Variants in PPIP5K2 observed in about 807,000 individuals in gnomAD.
The protein encoded by PPIP5K2 is inositol hexakisphosphate and diphosphoinositol-pentakisphosphate kinase 2.
PPIP5K2 carries 105 observed loss-of-function variants against 154.6 expected under a neutral mutation model. That is an observed-to-expected ratio of 0.68 (90% CI 0.58 to 0.80). The LOEUF is 0.80. Among genes scored for constraint, PPIP5K2 ranks in the 30% least tolerant of loss-of-function variants. The pLI is 0.00. For synonymous variants in PPIP5K2, 480 were observed against 490.3 expected (o/e 0.98, Z 0.28); for missense variants, 992 against 1,504.6 (o/e 0.66, Z 5.64).
chr5:103,175,303 G>A (rs192014817), intron 21 of PPIP5K2, among the ~76,000 whole-genome samples: 1 of 152,084 alleles, frequency 6.6e-6, no homozygotes, highest in East Asian at 1.9e-4. Context: ...AAATCCATAT[G>A]TTCTTTCTTC....
chr5:103,153,656 C>T (rs1794975124), intron 10 of PPIP5K2, among the ~76,000 whole-genome samples, 192 bp from the exon 11 acceptor site: 1 of 151,874 alleles, frequency 6.6e-6, no homozygotes, highest in African/African-American at 2.4e-5. Flanking sequence ...CCTCCCCCAG[C>T]TTCTTAAGTT....
At chr5:103,186,242 T>A (rs1800355754) in intron 26 of PPIP5K2, 78 bp from the exon 27 acceptor site, 1 of 1,582,066 alleles carries the variant, frequency 6.3e-7, no homozygotes, top group Non-Finnish European at 8.6e-7. Flanking sequence ...AAGAGCCATG[T>A]TAATTGCATG....
chr5:103,188,595 A>G (rs1249159430), intron 28 of PPIP5K2: 1 of 152,150 alleles, frequency 6.6e-6, no homozygotes, highest in Non-Finnish European at 1.5e-5. Context: ...ATACAGCTGC[A>G]GCTTCTAAAG....
At chr5:103,182,043 G>C (rs1799628022) in intron 24 of PPIP5K2, among the ~76,000 whole-genome samples, 1 of 151,860 alleles carries the variant, frequency 6.6e-6, no homozygotes, top group African/African-American at 2.4e-5. Flanking sequence ...GAAAAATCTG[G>C]GATTATGTTC....
In PPIP5K2 at chr5:103,212,018, CTTTGGTTTTGGT is replaced by C. The variant is rs1186792459; in HGVS notation, c.*10401_*10412del. The C allele has an allele frequency of 6.6e-6, 1 of 152,052 alleles. No individual in the cohort carries two copies. The highest frequency in any genetic ancestry group is 2.4e-5 in the African/African-American group (1 of 41,404). 9.4% of individuals were successfully genotyped at this position (152,052 alleles called of 1,614,324 possible). ...CAAGGGATATGAAAGGTACCTCAAC[CTTTGGTTTTGGT>C]TTTGGTTTTGGTTTTGTTTTTTTGG... On this transcript the variant is annotated 3_prime_UTR_variant, in exon 31 of 31. Transcript: ENST00000358359.
intron 10 of PPIP5K2, among the ~76,000 whole-genome samples, chr5:103,153,643 C>T (rs1554212018): frequency 1.3e-5 from 2 of 151,798 alleles, no homozygotes; most frequent in African/African-American, 4.8e-5. Flanking sequence ...TTAATATCAC[C>T]TCCCTCCCCC....
In PPIP5K2 at chr5:103,212,041, G is replaced by A. The variant is rs1292101076; in HGVS notation, c.*10407G>A. On this transcript the variant is annotated 3_prime_UTR_variant, in exon 31 of 31. Coordinates refer to ENST00000358359, the MANE Select transcript of PPIP5K2 (RefSeq NM_001276277.3). ...ACCTTTGGTTTTGGTTTTGGTTTTG[G>A]TTTTGTTTTTTTGGTCAACATGAAT... 1 of 152,056 alleles carries A rather than the reference G, an allele frequency of 6.6e-6. No homozygotes were observed. The highest frequency in any genetic ancestry group is 2.4e-5 in the African/African-American group (1 of 41,400). The allele number at this position is 152,056 out of a possible 1,614,324, so 9.4% of individuals were successfully genotyped here. A position where few individuals can be genotyped will look rare whatever the true frequency, so the allele number is the denominator to read the frequency against.
intron 5 of PPIP5K2, among the ~76,000 whole-genome samples, chr5:103,143,793 A>T (rs1340201324): frequency 7.1e-6 from 1 of 141,226 alleles, no homozygotes; most frequent in Admixed American, 7.0e-5. Context: ...CCTCTATGTG[A>T]TAAAAGCGCT....
chr5:103,183,954 A>C (rs1799969194), intron 25 of PPIP5K2, among the ~76,000 whole-genome samples: 1 of 152,158 alleles, frequency 6.6e-6, no homozygotes, highest in Non-Finnish European at 1.5e-5. Flanking sequence ...TAATTTAAGG[A>C]ATACATAGTC....
In PPIP5K2 at chr5:103,210,509, G is replaced by C. The variant is rs1416839024; in HGVS notation, c.*8875G>C. 1 of 152,022 alleles carries C rather than the reference G, an allele frequency of 6.6e-6. No individual in the cohort carries two copies. The highest frequency in any genetic ancestry group is 1.5e-5 in the Non-Finnish European group (1 of 67,992). 9.4% of individuals were successfully genotyped at this position (152,022 alleles called of 1,614,324 possible). On this transcript the variant is annotated 3_prime_UTR_variant, in exon 31 of 31. Coordinates refer to ENST00000358359, the MANE Select transcript of PPIP5K2 (RefSeq NM_001276277.3). ...AGGAGCTGGGAGAAAGGAGACCTGG[G>C]TATTAATCTCAGCTCTACCACTACA...
rs1554232513 is a variant in PPIP5K2 at position 103,210,211 on chromosome 5, T to C, written c.*8577T>C. 6.6e-6 allele frequency: 1 copy of C among 152,136 alleles called. No individual in the cohort carries two copies. The highest frequency in any genetic ancestry group is 1.9e-4 in the East Asian group (1 of 5,188). 9.4% of individuals were successfully genotyped at this position (152,136 alleles called of 1,614,324 possible). A position where few individuals can be genotyped will look rare whatever the true frequency, so the allele number is the denominator to read the frequency against. ...AAGTGAAAACTGATCAATTCACAAC[T>C]CAAGGAAAGCATGGAGTAATTTCAG... On this transcript the variant is annotated 3_prime_UTR_variant, in exon 31 of 31. Transcript: ENST00000358359.
At chr5:103,138,603 A>G (rs1791999330) in intron 5 of PPIP5K2, 134 bp downstream of exon 5, 1 of 494,742 alleles carries the variant, frequency 2.0e-6, no homozygotes, top group Non-Finnish European at 3.5e-6. Flanking sequence ...TAATCTAAAC[A>G]GACAAACATA....
chr5:103,139,189 G>A (rs1456166206), intron 5 of PPIP5K2, among the ~76,000 whole-genome samples: 6 of 152,138 alleles, frequency 3.9e-5, no homozygotes, highest in Admixed American at 2.0e-4. Context: ...GGCAAAATAC[G>A]TGTTTGTCTT....
chr5:103,161,070 T>C (rs541152490), intron 17 of PPIP5K2, among the ~76,000 whole-genome samples: 1 of 152,162 alleles, frequency 6.6e-6, no homozygotes, highest in African/African-American at 2.4e-5. Context: ...TAACTCGTCA[T>C]TTACATTAGG....
intron 30 of PPIP5K2, among the ~76,000 whole-genome samples, chr5:103,195,517 TCTGA>T (rs1554228247): frequency 2.6e-5 from 4 of 152,256 alleles, no homozygotes; most frequent in Non-Finnish European, 4.4e-5. Flanking sequence ...CCATTCTCAG[TCTGA>T]CTATGTGACT....
Position 103,136,750 on chromosome 5 carries a change from C to A in PPIP5K2, c.329C>A (p.Ala110Glu), listed in dbSNP as rs1791573158. 1.2e-6 allele frequency: 2 copies of A among 1,612,660 alleles called. No homozygotes were observed. Among genetic ancestry groups the A allele is most frequent in the Non-Finnish European group, 1.7e-6 (2 of 1,178,854 alleles). ...TTCTTAGGATTTCCACTGGACAAAG[C>A]GGTTGCCTATGCAAAACTCAGGAAT... Reference protein sequence around the residue: ...FHSKGFPLDKAVAYAKLRNPF... With the variant: ...FHSKGFPLDKEVAYAKLRNPF... Residue 110 changes from alanine to glutamate, a missense_variant, in exon 4 of 31, where the codon GCG becomes GAG. This residue lies in a region of PPIP5K2 where 153 missense variants were observed against 200.4 expected (regional missense o/e 0.76). Transcript: ENST00000358359.
chr5:103,203,480 A>G lies in PPIP5K2; in HGVS notation c.*1846A>G, dbSNP rs1218720800. On this transcript the variant is annotated 3_prime_UTR_variant, in exon 31 of 31. Coordinates refer to ENST00000358359, the MANE Select transcript of PPIP5K2 (RefSeq NM_001276277.3). ...TAGACACTCTATTTGTAAAAATCTT[A>G]GAATCACTTTCCAAAACAAATAAAA... is the stretch of plus-strand genomic sequence containing the variant. 14 of 152,208 alleles carry G rather than the reference A, an allele frequency of 9.2e-5. No homozygotes were observed. The highest frequency in any genetic ancestry group is 3.4e-4 in the African/African-American group (14 of 41,458). The allele number at this position is 152,208 out of a possible 1,614,324, so 9.4% of individuals were successfully genotyped here.
Position 103,203,999 on chromosome 5 carries a change from A to G in PPIP5K2, c.*2365A>G, listed in dbSNP as rs536175118. ...ATGTGGCAGTGTGCTTAGCATAAAC[A>G]TAGAGCACAAAGGCAATAGATGGAA... On this transcript the variant is annotated 3_prime_UTR_variant, in exon 31 of 31. Transcript: ENST00000358359. The G allele has an allele frequency of 1.3e-5, 2 of 152,342 alleles. No homozygotes were observed. Among genetic ancestry groups the G allele is most frequent in the African/African-American group, 4.8e-5 (2 of 41,574 alleles). 9.4% of individuals were successfully genotyped at this position (152,342 alleles called of 1,614,324 possible). A position where few individuals can be genotyped will look rare whatever the true frequency, so the allele number is the denominator to read the frequency against.
At chr5:103,189,255 A>T in intron 28 of PPIP5K2, 2 of 1,476,656 alleles carry the variant, frequency 1.4e-6, no homozygotes, top group Non-Finnish European at 1.8e-6. Flanking sequence ...TAAACATGTC[A>T]GCAGGGTGGC....
Sources: allele counts gnomAD v4.1 joint callset (sites outside exome capture counted in the v4.1 genomes callset), GRCh38; gene constraint gnomAD v4.1.1; regional missense constraint gnomAD v4.1.1; transcripts MANE v1.5; gene names NCBI Gene and HGNC (gene_info 2026-07-23, HGNC 2026-07-21).